Variants in DOCK9 observed in about 807,000 individuals in gnomAD.
The protein encoded by DOCK9 is dedicator of cytokinesis protein 9.
DOCK9 carries 89 observed loss-of-function variants against 263.3 expected under a neutral mutation model. The ratio of observed to expected loss-of-function variants is 0.34; its 90% CI spans 0.28 to 0.40. The LOEUF (loss-of-function observed/expected upper bound fraction) is 0.40, where lower values mean the gene tolerates loss of function less well. Among genes scored for constraint, DOCK9 ranks in the 10% least tolerant of loss-of-function variants. The probability of loss-of-function intolerance (pLI) is 1.00; values close to 1 mark genes in which losing one functional copy is unlikely to be tolerated. For synonymous variants in DOCK9, 976 were observed against 973.1 expected (o/e 1.00, Z -0.06); for missense variants, 2,140 against 2,603.4 (o/e 0.82, Z 3.87).
intron 2 of DOCK9, among the ~76,000 whole-genome samples, chr13:98,946,773 T>C (rs1342043838): frequency 1.3e-5 from 2 of 152,192 alleles, no homozygotes; most frequent in African/African-American, 2.4e-5. Flanking sequence ...CTCTAACCTG[T>C]GTCTCCCCAC....
intron 21 of DOCK9, among the ~76,000 whole-genome samples, 192 bp from the exon 22 acceptor site, chr13:98,884,091 G>A (rs375123412): frequency 6.6e-6 from 1 of 152,218 alleles, no homozygotes; most frequent in Non-Finnish European, 1.5e-5. Context: ...CCAAAGTACA[G>A]TGCTTTTATT....
rs202168693 is a variant in DOCK9 at position 99,079,229 on chromosome 13, G to T, written c.129+6994C>A. On this transcript the variant is annotated intron_variant, in intron 1 of 32. Coordinates refer to the DOCK9 transcript ENST00000427887. Reference sequence around the variant, plus strand: ...GACAAATAGCTACAGGGCAAATATTGTTTCTAAGCTTACTGTTTGACTTTT... The same window carrying T: ...GACAAATAGCTACAGGGCAAATATTTTTTCTAAGCTTACTGTTTGACTTTT... Among the ~76,000 whole-genome samples the T allele has an allele frequency of 2.6e-5, 4 of 152,162 alleles. No individual in the cohort carries two copies. The East Asian group carries it at 7.7e-4, about 29-fold the overall frequency.
Position 98,903,032 on chromosome 13 carries a change from A to T in DOCK9, c.1116T>A (p.Asn372Lys), listed in dbSNP as rs561287412. 1.3e-6 allele frequency: 2 copies of T among 1,543,338 alleles called. No homozygotes were observed. Among genetic ancestry groups the T allele is most frequent in the African/African-American group, 2.8e-5 (2 of 72,608 alleles). The change falls in exon 11 of 53, where the codon AAT (asparagine) becomes AAA (lysine). Residue 372 changes from asparagine to lysine, a missense_variant. Transcript: ENST00000682017. The part of the protein sequence containing the change: ...KFGKRILVKC[N>K]DLSFNLQCCV... ...AGCATTGCAAATTGAAAGATAAATC[A>T]TTGCACTTGACAAGGATCCTTTTTC...
In DOCK9 at chr13:98,902,948, T is replaced by C. The variant is rs560594355; in HGVS notation, c.1176+24A>G. The C allele has an allele frequency of 4.0e-6, 6 of 1,491,466 alleles. No individual in the cohort carries two copies. In the East Asian group the frequency reaches 1.5e-4, roughly 37 times the overall value. 92.4% of individuals were successfully genotyped at this position (1,491,466 alleles called of 1,614,324 possible). A position where few individuals can be genotyped will look rare whatever the true frequency, so the allele number is the denominator to read the frequency against. On this transcript the variant is annotated intron_variant, in intron 11 of 52. Coordinates refer to ENST00000682017, the MANE Select transcript of DOCK9 (RefSeq NM_001366683.2). The stretch of plus-strand genomic sequence containing the variant: ...ACCTCTGCCTATTTTTTTTTTAATG[T>C]TTATTTTTAAAATGAAAAATTACAT...
chr13:98,799,031 C>T (rs1214736033), intron 50 of DOCK9, among the ~76,000 whole-genome samples: 1 of 152,114 alleles, frequency 6.6e-6, no homozygotes, highest in Non-Finnish European at 1.5e-5. Context: ...AAAATTGTGG[C>T]CTCTGGACCT....
intron 48 of DOCK9, among the ~76,000 whole-genome samples, chr13:98,805,927 A>AT (rs2090650204): frequency 6.6e-6 from 1 of 152,048 alleles, no homozygotes; most frequent in South Asian, 2.1e-4. Context: ...TGCCCAGCTA[A>AT]TTATATATTT....
At chr13:98,860,907 G>A (rs2093849432) in intron 32 of DOCK9, among the ~76,000 whole-genome samples, 1 of 152,026 alleles carries the variant, frequency 6.6e-6, no homozygotes, top group Non-Finnish European at 1.5e-5. Context: ...TGGAATGCTG[G>A]CTTTTATCTG....
chr13:98,819,481 T>C (rs1246629983), intron 45 of DOCK9, among the ~76,000 whole-genome samples: 1 of 152,206 alleles, frequency 6.6e-6, no homozygotes, highest in Non-Finnish European at 1.5e-5. Context: ...TAGTGTGCTA[T>C]GGCAGGGATC....
At chr13:99,087,180 G>A (rs951799199), upstream of DOCK9, among the ~76,000 whole-genome samples, 1 of 152,074 alleles carries the variant, frequency 6.6e-6, no homozygotes, top group Non-Finnish European at 1.5e-5. Context: ...AACCTGGCGC[G>A]GGGCGCCGCG....
chr13:99,051,517 A>C (rs1475849696), intron 1 of DOCK9, among the ~76,000 whole-genome samples: 1 of 152,130 alleles, frequency 6.6e-6, no homozygotes, highest in Non-Finnish European at 1.5e-5. Context: ...AATTTCATCC[A>C]AACAGGAAAG....
intron 1 of DOCK9, among the ~76,000 whole-genome samples, chr13:98,987,929 A>G (rs1197101985): frequency 6.6e-6 from 1 of 151,666 alleles, no homozygotes; most frequent in East Asian, 1.9e-4. Flanking sequence ...GTATTAAAAG[A>G]TAACAGCATA....
At chr13:98,798,519 T>C (rs1257335655) in intron 50 of DOCK9, among the ~76,000 whole-genome samples, 1 of 132,410 alleles carries the variant, frequency 7.6e-6, no homozygotes, top group Non-Finnish European at 1.7e-5. Context: ...ACTGTATTCA[T>C]CACCTGAAGA....
intron 45 of DOCK9, among the ~76,000 whole-genome samples, chr13:98,815,626 GGCCT>G (rs2091772688): frequency 6.6e-6 from 1 of 151,854 alleles, no homozygotes; most frequent in East Asian, 1.9e-4. Context: ...GGACAACAGG[GGCCT>G]GCCACCATGC....
At chr13:98,887,143 A>ATTTTTTTTT (rs58434344) in intron 18 of DOCK9, among the ~76,000 whole-genome samples, 2 of 95,262 alleles carry the variant, frequency 2.1e-5, no homozygotes, top group Non-Finnish European at 4.0e-5. Context: ...ATATATATAT[A>ATTTTTTTTT]TTTTTTTTTT....
chr13:98,901,727 C>T (rs1176125215), intron 13 of DOCK9, 51 bp downstream of exon 13: 1 of 1,591,792 alleles, frequency 6.3e-7, no homozygotes, highest in Non-Finnish European at 8.6e-7. Context: ...CACATAAAGG[C>T]CTCTTTTCAG....
At chr13:99,086,658 G>C (rs1315694071), upstream of DOCK9, 4 of 146,656 alleles carry the variant, frequency 2.7e-5, no homozygotes, top group African/African-American at 7.3e-5. Context: ...AGCCTCCCTC[G>C]GCGACCACTC....
At chr13:99,088,416 G>A (rs1674535013), upstream of DOCK9, 1 of 152,142 alleles carries the variant, frequency 6.6e-6, no homozygotes, top group Non-Finnish European at 1.5e-5. Flanking sequence ...AGCTGCAGGA[G>A]TGTGGCCGTT....
At chr13:98,939,392 G>A (rs2055444974) in intron 2 of DOCK9, among the ~76,000 whole-genome samples, 1 of 152,144 alleles carries the variant, frequency 6.6e-6, no homozygotes, top group Non-Finnish European at 1.5e-5. Context: ...TCTACCCTTA[G>A]GCTAAACTGT....
intron 45 of DOCK9, among the ~76,000 whole-genome samples, chr13:98,817,280 G>A (rs564767400): frequency 7.2e-5 from 11 of 152,204 alleles, no homozygotes; most frequent in Admixed American, 3.3e-4. Context: ...CATGTAAGAC[G>A]TGCTTGCTTC....
Sources: gnomAD v4.1 joint callset for allele counts (sites outside exome capture counted in the v4.1 genomes callset) on GRCh38, gnomAD v4.1.1 for gene constraint, MANE v1.5 for transcripts, NCBI Gene and HGNC (gene_info 2026-07-23, HGNC 2026-07-21) for gene names.